The following FARP2 variants were observed in gnomAD, a reference collection of about 807,000 sequenced individuals.
FARP2 encodes the protein FERM, ARH/RhoGEF and pleckstrin domain protein 2.
In FARP2, 111 loss-of-function variants were observed where a neutral mutation model predicts 130.5. The ratio of observed to expected loss-of-function variants is 0.85; its 90% CI spans 0.73 to 1.00. FARP2 has a LOEUF of 1.00. Among genes scored for constraint, FARP2 ranks in the 50% least tolerant of loss-of-function variants. The probability of loss-of-function intolerance (pLI) is 0.00; values close to 1 mark genes in which losing one functional copy is unlikely to be tolerated. For synonymous variants in FARP2, 504 were observed against 516.9 expected (o/e 0.98, Z 0.34); for missense variants, 1,385 against 1,346.3 (o/e 1.03, Z -0.45).
intron 12 of FARP2, among the ~76,000 whole-genome samples, chr2:241,437,662 A>ATTTATTTT (rs1553723656): frequency 7.4e-6 from 1 of 135,444 alleles, no homozygotes; most frequent in East Asian, 2.5e-4. Context: ...TTATTTATTT[A>ATTTATTTT]TTTATTTATT....
chr2:241,372,904 T>C (rs1309253315), intron 1 of FARP2, 180 bp from the exon 2 acceptor site: 2 of 357,760 alleles, frequency 5.6e-6, no homozygotes, highest in Admixed American at 9.4e-5. Context: ...GCTCCACCTA[T>C]GAGTGCCTGA....
chr2:241,381,960 C>A (rs1443617149), intron 2 of FARP2, among the ~76,000 whole-genome samples: 7 of 152,208 alleles, frequency 4.6e-5, no homozygotes, highest in African/African-American at 1.7e-4. Flanking sequence ...TCTCAAGGTT[C>A]CTCATGCTTC....
At chr2:241,449,127 C>A (rs2063583254) in intron 13 of FARP2, among the ~76,000 whole-genome samples, 1 of 152,166 alleles carries the variant, frequency 6.6e-6, no homozygotes. Flanking sequence ...TTACTTGGAT[C>A]CCTTGGATAG....
intron 2 of FARP2, among the ~76,000 whole-genome samples, chr2:241,398,258 A>G (rs2062079182): frequency 6.6e-6 from 1 of 152,214 alleles, no homozygotes; most frequent in Non-Finnish European, 1.5e-5. Context: ...AGAATGGAGT[A>G]GAACAGGCTC....
chr2:241,394,709 T>G (rs1209771305), intron 2 of FARP2, among the ~76,000 whole-genome samples: 1 of 152,208 alleles, frequency 6.6e-6, no homozygotes. Context: ...ATGGAAAATA[T>G]TTTGATTTTT....
At chr2:241,380,007 C>T (rs982414558) in intron 2 of FARP2, among the ~76,000 whole-genome samples, 1 of 152,146 alleles carries the variant, frequency 6.6e-6, no homozygotes, top group Non-Finnish European at 1.5e-5. Flanking sequence ...CCAGCTCCCC[C>T]ACCAAGCCCT....
intron 19 of FARP2, among the ~76,000 whole-genome samples, 167 bp downstream of exon 19, chr2:241,476,154 C>T (rs966131930): frequency 1.3e-5 from 2 of 150,114 alleles, no homozygotes; most frequent in Non-Finnish European, 3.0e-5. Context: ...GGGAGGATCG[C>T]TTGAGCCCAG....
chr2:241,481,157 A>C (rs1000392569), intron 19 of FARP2, among the ~76,000 whole-genome samples: 2 of 151,800 alleles, frequency 1.3e-5, no homozygotes, highest in Non-Finnish European at 2.9e-5. Context: ...TGAGCCCAGG[A>C]GGTCAAGGCT....
At chr2:241,470,034 A>G (rs1333985255) in intron 18 of FARP2, among the ~76,000 whole-genome samples, 2 of 152,278 alleles carry the variant, frequency 1.3e-5, no homozygotes, top group Non-Finnish European at 1.5e-5. Flanking sequence ...AGCTGACACT[A>G]TGGCAGGCTC....
chr2:241,464,223 CCAGGGTCCCCCTCAGAG>C (rs1284228565), intron 17 of FARP2, among the ~76,000 whole-genome samples: 1 of 149,842 alleles, frequency 6.7e-6, no homozygotes, highest in Non-Finnish European at 1.5e-5. Context: ...CCCCCCCAGA[CCAGGGTCCCCCTCAGAG>C]CAGGGTCTCC....
rs1284899279 is a variant in FARP2, at chr2:241,474,398, G to C, written c.2132-1459G>C. On this transcript the variant is annotated intron_variant, in intron 18 of 26. Coordinates refer to ENST00000264042, the MANE Select transcript of FARP2 (RefSeq NM_014808.4). ...GACTTCATGCTAACAAATCTGCCCAGGGCTAGAGCTGAGCACTGGGCAGTG... is the reference window on the plus strand; with the variant it reads ...GACTTCATGCTAACAAATCTGCCCACGGCTAGAGCTGAGCACTGGGCAGTG... Among the ~76,000 whole-genome samples, 3 of 149,142 alleles carry C rather than the reference G, an allele frequency of 2.0e-5. No individual in the cohort carries two copies. In the East Asian group the frequency reaches 6.1e-4, roughly 30 times the overall value.
chr2:241,400,707 C>T (rs1395149980), intron 2 of FARP2, among the ~76,000 whole-genome samples: 3 of 152,116 alleles, frequency 2.0e-5, no homozygotes, highest in African/African-American at 7.2e-5. Context: ...GGGTGAGGGA[C>T]TTGGTTGTAT....
chr2:241,451,947 G>A (rs1407690830), intron 13 of FARP2, among the ~76,000 whole-genome samples: 1 of 152,092 alleles, frequency 6.6e-6, no homozygotes, highest in Admixed American at 6.6e-5. Flanking sequence ...TAGAGATGGG[G>A]TTTCACCATG....
chr2:241,466,515 G>A (rs1574882531), intron 17 of FARP2: 1 of 985,420 alleles, frequency 1.0e-6, no homozygotes, highest in Non-Finnish European at 1.2e-6. Context: ...CACAGAGAGG[G>A]ACCCCAGCCC....
intron 14 of FARP2, among the ~76,000 whole-genome samples, chr2:241,460,089 A>C (rs1246583984): frequency 6.6e-6 from 1 of 152,014 alleles, no homozygotes; most frequent in Admixed American, 6.6e-5. Flanking sequence ...TGTGGCTAGG[A>C]AGTTGTCCTC....
At chr2:241,380,975 G>C (rs1329444670) in intron 2 of FARP2, among the ~76,000 whole-genome samples, 4 of 152,090 alleles carry the variant, frequency 2.6e-5, no homozygotes, top group Non-Finnish European at 5.9e-5. Context: ...ACCTGGGGCA[G>C]GTTAGGACCA....
rs544730111 is a variant in FARP2, at chr2:241,489,730, C to T, written c.2422-232C>T. On this transcript the variant is annotated intron_variant, in intron 21 of 26. Transcript: ENST00000264042. ...TTTCAGCTAATAGTGCTGGACCCCC[C>T]GGTGAGTATTTGGGTGCCCTCTGGC... 3.1e-4 allele frequency: 133 copies of T among 430,498 alleles called. 5 individuals are homozygous for T. The South Asian group carries it at 5.1e-3, about 16-fold the overall frequency. 26.7% of individuals were successfully genotyped at this position (430,498 alleles called of 1,614,324 possible). A position where few individuals can be genotyped will look rare whatever the true frequency, so the allele number is the denominator to read the frequency against.
intron 19 of FARP2, chr2:241,478,620 T>C (rs892387224): frequency 5.9e-6 from 3 of 512,034 alleles, no homozygotes; most frequent in South Asian, 4.4e-5. Flanking sequence ...CGTGGCAAGC[T>C]GGTGATTAAC....
chr2:241,381,836 T>C (rs547178633), intron 2 of FARP2, among the ~76,000 whole-genome samples: 4 of 152,236 alleles, frequency 2.6e-5, no homozygotes, highest in Non-Finnish European at 5.9e-5. Context: ...CTGCAGCATC[T>C]CAGCTTTCTG....
Sources: gnomAD v4.1 joint callset for allele counts (sites outside exome capture counted in the v4.1 genomes callset) on GRCh38, gnomAD v4.1.1 for gene constraint, MANE v1.5 for transcripts, NCBI Gene and HGNC (gene_info 2026-07-23, HGNC 2026-07-21) for gene names.